Variants in SLC5A5 observed in about 807,000 individuals in gnomAD.
SLC5A5 encodes the protein solute carrier family 5 member 5, also known as sodium/iodide cotransporter.
Under a neutral mutation model 68.6 loss-of-function variants are expected in SLC5A5, and 56 were observed. The observed-to-expected ratio is 0.82, with a 90% confidence interval of 0.66 to 1.02. SLC5A5 has a LOEUF of 1.02. SLC5A5 is among the 50% of genes least tolerant of loss of function. SLC5A5 has a pLI of 0.00. For synonymous variants in SLC5A5, 398 were observed against 373.0 expected, an observed-to-expected ratio of 1.07 and a Z score of -0.77; for missense variants, 807 against 859.8, an observed-to-expected ratio of 0.94 and a Z score of 0.77.
chr19:17,885,403 A>G (rs1306389467), intron 12 of SLC5A5, among the ~76,000 whole-genome samples: 2 of 151,732 alleles, frequency 1.3e-5, no homozygotes, highest in African/African-American at 2.4e-5. Flanking sequence ...TTTTGGAGAC[A>G]GGGTCTCACT....
intron 14 of SLC5A5, 25 bp from the exon 15 acceptor site, chr19:17,893,688 G>T: frequency 5.6e-6 from 9 of 1,611,838 alleles, no homozygotes; most frequent in Non-Finnish European, 7.6e-6. Flanking sequence ...CTCTGATGGG[G>T]TCTCTTTTTC....
At position 17,882,181 on chromosome 19, in the gene SLC5A5, G is replaced by T; in HGVS notation, c.1204G>T (p.Ala402Ser). ...CTACGGATCGGCCTGTCTCACCGTG[G>T]CAGCCCTGTCCTCACTGCTCGGAGG... ...LIYGSACLTV[A>S]ALSSLLGGGV... Residue 402 changes from alanine (A) to serine (S), a missense_variant, in exon 10 of 15, where the codon GCA (alanine) becomes TCA (serine). Physicochemically the swap from Ala to Ser is moderately conservative, Grantham distance 99. Transcript: ENST00000222248. The T allele has an allele frequency of 6.2e-7, 1 of 1,613,996 alleles. No homozygotes were observed.
In SLC5A5 at chr19:17,872,613, G is replaced by T; in HGVS notation, c.294G>T (p.Ser98=). ...TGTGCCTGGGCCAGCTTCTGAACTC[G>T]GTCCTCACCGCCCTGCTCTTCATGC... ...LWMCLGQLLN[S]VLTALLFMPV... is the part of the protein sequence containing the mutation. Residue 98 remains serine, a synonymous_variant, in exon 1 of 15, where the codon TCG becomes TCT. Transcript: ENST00000222248. 2 of 1,612,054 alleles carry T rather than the reference G, an allele frequency of 1.2e-6. No homozygotes were observed. The highest frequency in any genetic ancestry group is 1.7e-6 in the Non-Finnish European group (2 of 1,179,808).
Position 17,872,105 on chromosome 19 carries a change from G to A in SLC5A5, c.-215G>A, listed in dbSNP as rs958111308. 2 of 576,300 alleles carry A rather than the reference G, an allele frequency of 3.5e-6. No homozygotes were observed. The highest frequency in any genetic ancestry group is 6.0e-5 in the East Asian group (2 of 33,386). The allele number at this position is 576,300 out of a possible 1,614,324, so 35.7% of individuals were successfully genotyped here. Reference sequence around the variant, plus strand: ...GGCGGACGCAGAGACAGACAGCGGGGACAGGGAGGCCGACACGGACATCGA... The same window carrying A: ...GGCGGACGCAGAGACAGACAGCGGGAACAGGGAGGCCGACACGGACATCGA... On this transcript the variant is annotated 5_prime_UTR_variant, in exon 1 of 15. Coordinates refer to ENST00000222248, the MANE Select transcript of SLC5A5 (RefSeq NM_000453.3).
At chr19:17,874,249 C>A in intron 2 of SLC5A5, 46 bp downstream of exon 2, 1 of 1,369,682 alleles carries the variant, frequency 7.3e-7, no homozygotes, top group South Asian at 1.2e-5. Context: ...CCGAGAGCGT[C>A]AGCCTTCACT....
At chr19:17,890,437 G>A (rs2030121732) in intron 13 of SLC5A5, among the ~76,000 whole-genome samples, 1 of 152,076 alleles carries the variant, frequency 6.6e-6, no homozygotes, top group South Asian at 2.1e-4. Context: ...CTGTCACCAA[G>A]CTGGAGTGCA....
chr19:17,885,046 G>T (rs1312614677), intron 12 of SLC5A5, among the ~76,000 whole-genome samples: 5 of 142,632 alleles, frequency 3.5e-5, no homozygotes, highest in African/African-American at 1.3e-4. Flanking sequence ...TTGCTCTGTT[G>T]CCCAGGCTGG....
intron 4 of SLC5A5, 109 bp from the exon 5 acceptor site, chr19:17,875,843 C>A: frequency 1.1e-6 from 1 of 939,596 alleles, no homozygotes; most frequent in Non-Finnish European, 1.7e-6. Context: ...ATTAATCCCA[C>A]TTTAGAGAGG....
Position 17,894,141 on chromosome 19 carries a change from CTCTTTTTTTT to C in SLC5A5, c.*266_*275del. 1 of 381,576 alleles carries C rather than the reference CTCTTTTTTTT, an allele frequency of 2.6e-6. No individual in the cohort carries two copies. Among genetic ancestry groups the C allele is most frequent in the African/African-American group, 2.4e-5 (1 of 42,112 alleles). 23.6% of individuals were successfully genotyped at this position (381,576 alleles called of 1,614,324 possible). A position where few individuals can be genotyped will look rare whatever the true frequency, so the allele number is the denominator to read the frequency against. ...CAAATAAGGCTGGGTTTTTCTCTCT[CTCTTTTTTTT>C]TTTTTTTTTTTTTTGAGACAGGGTC... On this transcript the variant is annotated 3_prime_UTR_variant, in exon 15 of 15. Transcript: ENST00000222248.
At position 17,872,207 on chromosome 19, in the gene SLC5A5, G is replaced by A; in HGVS notation, c.-113G>A. ...ACCCCAGACGGAGCGGGGACAGGCT[G>A]CCGAGCATCCTCCCACCCGCCCTCC... On this transcript the variant is annotated 5_prime_UTR_variant, in exon 1 of 15. Coordinates refer to ENST00000222248, the MANE Select transcript of SLC5A5 (RefSeq NM_000453.3). The A allele has an allele frequency of 1.4e-6, 1 of 722,690 alleles. No individual in the cohort carries two copies. The highest frequency in any genetic ancestry group is 2.4e-5 in the Admixed American group (1 of 40,822). 44.8% of individuals were successfully genotyped at this position (722,690 alleles called of 1,614,324 possible).
chr19:17,881,159 T>C (rs190118123), intron 8 of SLC5A5, among the ~76,000 whole-genome samples: 6 of 152,288 alleles, frequency 3.9e-5, no homozygotes, highest in Non-Finnish European at 8.8e-5. Context: ...TTTACCTTCT[T>C]ATCACCTGTC....
In SLC5A5 at chr19:17,894,104, G is replaced by C. The variant is rs1472441640; in HGVS notation, c.*227G>C. The C allele has an allele frequency of 3.8e-6, 2 of 527,486 alleles. No homozygotes were observed. Among genetic ancestry groups the C allele is most frequent in the Non-Finnish European group, 6.7e-6 (2 of 296,454 alleles). The allele number at this position is 527,486 out of a possible 1,614,324, so 32.7% of individuals were successfully genotyped here. A position where few individuals can be genotyped will look rare whatever the true frequency, so the allele number is the denominator to read the frequency against. ...CCCCAGTATTAGACGCTGCAGCCCT[G>C]ACGGCTCCCCCCAAATAAGGCTGGG... On this transcript the variant is annotated 3_prime_UTR_variant, in exon 15 of 15. Transcript: ENST00000222248.
rs182064161 is a variant in SLC5A5 at position 17,877,874 on chromosome 19, C to T, written c.839+11C>T. 8.9e-3 allele frequency: 14,371 copies of T among 1,614,146 alleles called. 99 individuals are homozygous for T. The highest frequency in any genetic ancestry group is 0.022 in the East Asian group (1,010 of 44,892). Reference sequence around the variant, plus strand: ...GAAGCAGGCCAAGCTGTGAGTGTTTCGGGGAGCAAGGTCGGGGTTTCTGGG... The same window carrying T: ...GAAGCAGGCCAAGCTGTGAGTGTTTTGGGGAGCAAGGTCGGGGTTTCTGGG... On this transcript the variant is annotated intron_variant, in intron 6 of 14. Transcript: ENST00000222248.
rs546744871 is a variant in SLC5A5 at position 17,891,361 on chromosome 19, G to A, written c.1767+360G>A. 6.6e-5 allele frequency among the ~76,000 whole-genome samples: 10 copies of A among 151,882 alleles called. No homozygotes were observed. In the East Asian group the frequency reaches 1.6e-3, roughly 24 times the overall value. On this transcript the variant is annotated intron_variant, in intron 14 of 14. Coordinates refer to ENST00000222248, the MANE Select transcript of SLC5A5 (RefSeq NM_000453.3). ...GTTGCTACTACAGGCGCATGCCACC[G>A]CACCCAGCTAATTTTTATGTTTTTA...
Position 17,883,912 on chromosome 19 carries a change from G to C in SLC5A5, c.1392G>C (p.Thr464=), listed in dbSNP as rs748766125. The change falls in exon 12 of 15, where the codon ACG becomes ACC. Residue 464 remains threonine (T), a synonymous_variant. Transcript: ENST00000222248. Reference sequence around the variant, plus strand: ...CGCTGTGGGTGGCCTTGGGCGCCACGCTGTACCCACCCAGCGAGCAGACCA... The same window carrying C: ...CGCTGTGGGTGGCCTTGGGCGCCACCCTGTACCCACCCAGCGAGCAGACCA... ...ALSLWVALGA[T]LYPPSEQTMR... The C allele has an allele frequency of 2.6e-6, 4 of 1,567,612 alleles. No homozygotes were observed. The highest frequency in any genetic ancestry group is 2.6e-6 in the Non-Finnish European group (3 of 1,157,964).
At position 17,874,747 on chromosome 19, in the gene SLC5A5, AACTC is replaced by A; in HGVS notation, c.543+21_543+24del. On this transcript the variant is annotated intron_variant, in intron 4 of 14. Coordinates refer to ENST00000222248, the MANE Select transcript of SLC5A5 (RefSeq NM_000453.3). Reference sequence around the variant, plus strand: ...CACGGCTGTGGTGAGTGGCCCTGGGAACTCACTCCATACGGGGGATCGGGCCCAC... The same window carrying A: ...CACGGCTGTGGTGAGTGGCCCTGGGAACTCCATACGGGGGATCGGGCCCAC... The A allele has an allele frequency of 1.2e-6, 2 of 1,612,296 alleles. No homozygotes were observed. Among genetic ancestry groups the A allele is most frequent in the East Asian group, 2.2e-5 (1 of 44,866 alleles).
intron 13 of SLC5A5, 55 bp from the exon 14 acceptor site, chr19:17,890,831 C>G: frequency 8.2e-7 from 1 of 1,219,970 alleles, no homozygotes; most frequent in African/African-American, 1.5e-5. Flanking sequence ...GGTCTCCAAC[C>G]CCCATGACCC....
At chr19:17,883,635 G>C (rs1255628267) in intron 10 of SLC5A5, 46 bp from the exon 11 acceptor site, 3 of 1,487,732 alleles carry the variant, frequency 2.0e-6, no homozygotes, top group South Asian at 1.1e-5. Context: ...GGCCCAGAGC[G>C]GTGGGAGGGC....
intron 7 of SLC5A5, 58 bp from the exon 8 acceptor site, chr19:17,880,807 A>G: frequency 1.6e-6 from 2 of 1,278,268 alleles, no homozygotes; most frequent in Admixed American, 1.7e-5. Flanking sequence ...CAGGACAGAT[A>G]GATGCCCCGG....
Sources: allele counts gnomAD v4.1 joint callset (sites outside exome capture counted in the v4.1 genomes callset), GRCh38; gene constraint gnomAD v4.1.1; transcripts MANE v1.5; gene names NCBI Gene and HGNC (gene_info 2026-07-23, HGNC 2026-07-21).